Variants in DIAPH2 observed in about 807,000 individuals in gnomAD.
DIAPH2 encodes the protein protein diaphanous homolog 2.
DIAPH2 carries 35 observed loss-of-function variants against 92.7 expected under a neutral mutation model. That is an observed-to-expected ratio of 0.38 (90% confidence interval 0.29 to 0.50). The LOEUF is 0.50. DIAPH2 is among the 20% of genes least tolerant of loss of function. The pLI is 0.94. For missense variants in DIAPH2, 701 were observed against 819.5 expected (o/e 0.86, Z 1.77); for synonymous variants, 301 against 280.4 (o/e 1.07, Z -0.73).
chrX:97,142,584 A>G (rs1450978579), intron 22 of DIAPH2, among the ~76,000 whole-genome samples: 2 of 111,633 alleles, frequency 1.8e-5, no homozygotes, highest in Non-Finnish European at 1.9e-5. Flanking sequence ...GAGGAACAGG[A>G]TGTTTGAAAC....
At chrX:96,879,391 T>G (rs1325037272) in intron 4 of DIAPH2, among the ~76,000 whole-genome samples, 1 of 110,526 alleles carries the variant, frequency 9.0e-6, no homozygotes, top group Non-Finnish European at 1.9e-5. Context: ...TGGTGCCTTT[T>G]TATATATTAA....
intron 16 of DIAPH2, among the ~76,000 whole-genome samples, chrX:96,962,508 T>C (rs778160098): frequency 1.1e-5 from 1 of 87,548 alleles, no homozygotes; most frequent in Non-Finnish European, 2.1e-5. Flanking sequence ...TATATATATA[T>C]ATATATATAT....
At position 96,998,425 on chromosome X, in the gene DIAPH2, GA is replaced by G. The variant is rs774505076; in HGVS notation, c.2050+33226del. 1.7e-3 allele frequency among the ~76,000 whole-genome samples: 188 copies of G among 110,331 alleles called. 1 individual carries two copies. The highest frequency in any genetic ancestry group is 5.5e-3 in the African/African-American group (169 of 30,466). ...GATCCCTCTATTTTTCTTTCTATAA[GA>G]AAAAAAATGATAATGCTCAGTTTAT... On this transcript the variant is annotated intron_variant, in intron 17 of 26. Transcript: ENST00000324765.
At chrX:97,248,208 G>T (rs2068158281) in intron 23 of DIAPH2, among the ~76,000 whole-genome samples, 1 of 111,075 alleles carries the variant, frequency 9.0e-6, no homozygotes, top group Admixed American at 9.6e-5. Flanking sequence ...CTGAGATTTT[G>T]TGTGTGTGTG....
At chrX:97,243,439 G>A (rs1392805100) in intron 22 of DIAPH2, among the ~76,000 whole-genome samples, 4 of 109,724 alleles carry the variant, frequency 3.6e-5, no homozygotes, top group Admixed American at 9.8e-5. Context: ...TTAAGAGGCT[G>A]GTCCAAATCT....
rs770053500 is a variant in DIAPH2, at chrX:97,485,964, A to G, written c.3241+56219A>G. 2.0e-3 allele frequency among the ~76,000 whole-genome samples: 220 copies of G among 109,230 alleles called. 1 individual carries two copies. Among genetic ancestry groups the G allele is most frequent in the African/African-American group, 6.9e-3 (206 of 30,030 alleles). The allele number at this position is 109,230 out of a possible 115,157, so 94.9% of individuals were successfully genotyped here. On this transcript the variant is annotated intron_variant, in intron 26 of 26. Transcript: ENST00000324765. ...ATCCCACTTCTACAAAAAAGTCTTT[A>G]TAACACTCCCTTCCTTTACACCCCT...
intron 17 of DIAPH2, among the ~76,000 whole-genome samples, chrX:96,999,339 A>G (rs749193572): frequency 9.2e-6 from 1 of 109,214 alleles, no homozygotes; most frequent in Admixed American, 9.8e-5. Flanking sequence ...CATCTCTACT[A>G]AAAATACAAA....
At chrX:97,450,595 T>C (rs1347488909) in intron 26 of DIAPH2, among the ~76,000 whole-genome samples, 1 of 111,447 alleles carries the variant, frequency 9.0e-6, no homozygotes, top group African/African-American at 3.3e-5. Flanking sequence ...TCTGAGACTT[T>C]CTCATCCCGC....
chrX:96,836,102 T>A (rs2064884574), intron 4 of DIAPH2, among the ~76,000 whole-genome samples: 1 of 80,132 alleles, frequency 1.2e-5, no homozygotes, highest in Non-Finnish European at 2.7e-5. Flanking sequence ...AGCATGGAAT[T>A]TTTTTTTTTT....
chrX:97,298,046 G>A (rs1353601717), intron 23 of DIAPH2, among the ~76,000 whole-genome samples: 1 of 108,822 alleles, frequency 9.2e-6, no homozygotes, highest in African/African-American at 3.3e-5. Context: ...ATATACTTCT[G>A]CTTGTGATTT....
chrX:96,762,688 A>C (rs1446088058), intron 4 of DIAPH2, among the ~76,000 whole-genome samples: 1 of 110,878 alleles, frequency 9.0e-6, no homozygotes, highest in African/African-American at 3.3e-5. Context: ...AAGGAAAGAA[A>C]AGAAAAGGCA....
At chrX:97,357,289 A>G (rs2069276593) in intron 24 of DIAPH2, among the ~76,000 whole-genome samples, 1 of 111,503 alleles carries the variant, frequency 9.0e-6, no homozygotes, top group Non-Finnish European at 1.9e-5. Context: ...TACTGGTGGC[A>G]CCCTCTCAGC....
At chrX:96,849,087 G>A (rs1027982194) in intron 4 of DIAPH2, among the ~76,000 whole-genome samples, 1 of 112,061 alleles carries the variant, frequency 8.9e-6, no homozygotes, top group African/African-American at 3.2e-5. Flanking sequence ...CTGATTTTAT[G>A]TAATGTACTT....
In DIAPH2 at chrX:96,939,291, C is replaced by G. The variant is rs1202587746; in HGVS notation, c.1234C>G (p.Leu412Val). The change falls in exon 12 of 27, where the codon CTA (leucine) becomes GTA (valine). Residue 412 changes from leucine (L) to valine (V), a missense_variant. Transcript: ENST00000324765. ...MDDMNEVYHL[L>V]YNMLKDTAAE... The stretch of plus-strand genomic sequence containing the variant: ...TGATATGAATGAAGTCTACCATCTT[C>G]TATATAATATGCTGAAGGACACTGC... The G allele has an allele frequency of 9.1e-7, 1 of 1,097,927 alleles. No homozygotes were observed. The highest frequency in any genetic ancestry group is 1.2e-6 in the Non-Finnish European group (1 of 806,606). The allele number at this position is 1,097,927 out of a possible 1,213,427, so 90.5% of individuals were successfully genotyped here. A position where few individuals can be genotyped will look rare whatever the true frequency, so the allele number is the denominator to read the frequency against.
At chrX:96,812,724 T>G (rs1347698974) in intron 4 of DIAPH2, among the ~76,000 whole-genome samples, 10 of 112,101 alleles carry the variant, frequency 8.9e-5, no homozygotes, top group African/African-American at 3.3e-4. Flanking sequence ...CACTGTGTCT[T>G]TGTTCTTATT....
chrX:97,128,808 C>T (rs2067111127), intron 21 of DIAPH2, among the ~76,000 whole-genome samples: 1 of 112,089 alleles, frequency 8.9e-6, no homozygotes, highest in African/African-American at 3.2e-5. Context: ...TTGTTAGTGA[C>T]TTTTTTCACT....
At chrX:97,216,504 C>T in intron 22 of DIAPH2, among the ~76,000 whole-genome samples, 1 of 108,233 alleles carries the variant, frequency 9.2e-6, no homozygotes. Context: ...CTGGGTCTCC[C>T]TATGTTGCCC....
chrX:97,161,644 G>A (rs1426729137), intron 22 of DIAPH2, among the ~76,000 whole-genome samples: 1 of 111,383 alleles, frequency 9.0e-6, no homozygotes, highest in African/African-American at 3.3e-5. Context: ...AGATTCATGC[G>A]TTAAGGCTGG....
intron 22 of DIAPH2, among the ~76,000 whole-genome samples, chrX:97,189,959 T>A (rs758756924): frequency 8.8e-6 from 1 of 113,346 alleles, no homozygotes; most frequent in African/African-American, 3.2e-5. Context: ...GTATCCTACG[T>A]GCATGAGTGT....
Sources: gnomAD v4.1 joint callset for allele counts (sites outside exome capture counted in the v4.1 genomes callset) on GRCh38, gnomAD v4.1.1 for gene constraint, MANE v1.5 for transcripts, NCBI Gene and HGNC (gene_info 2026-07-23, HGNC 2026-07-21) for gene names.